MYO5C: variants seen among roughly 807,000 people sequenced by gnomAD.
MYO5C encodes unconventional myosin-Vc.
A neutral mutation model predicts 235.7 loss-of-function variants in MYO5C; 194 were observed. The observed-to-expected ratio is 0.82, with a 90% CI of 0.73 to 0.93. The LOEUF is 0.93. Ranked by LOEUF, MYO5C falls within the 40% of genes least tolerant of loss-of-function variation. The pLI is 0.00. For missense variants in MYO5C, 2,038 were observed against 2,127.2 expected (o/e 0.96, Z 0.82); for synonymous variants, 707 against 754.8 (o/e 0.94, Z 1.04).
intron 31 of MYO5C, among the ~76,000 whole-genome samples, chr15:52,218,949 C>T (rs1020877229): frequency 6.6e-6 from 1 of 152,230 alleles, no homozygotes; most frequent in Admixed American, 6.5e-5. Context: ...CTCAGCCCCA[C>T]TTACTGTTCC....
chr15:52,271,961 T>C (rs2036934880), intron 6 of MYO5C, 117 bp from the exon 7 acceptor site: 2 of 580,296 alleles, frequency 3.4e-6, no homozygotes, highest in East Asian at 3.0e-5. Flanking sequence ...CTGTCTGGGA[T>C]GTGATCTGGC....
chr15:52,194,298 T>A (rs1338242237), intron 40 of MYO5C, among the ~76,000 whole-genome samples: 1 of 152,240 alleles, frequency 6.6e-6, no homozygotes, highest in African/African-American at 2.4e-5. Flanking sequence ...TCCCATGGGA[T>A]GAGTTGACCA....
intron 13 of MYO5C, among the ~76,000 whole-genome samples, chr15:52,249,324 C>G (rs1426055857): frequency 2.0e-5 from 3 of 152,172 alleles, no homozygotes; most frequent in African/African-American, 7.2e-5. Flanking sequence ...CCATGCTGCC[C>G]TTTCTGATGA....
At chr15:52,214,090 A>G (rs1285596708) in intron 33 of MYO5C, among the ~76,000 whole-genome samples, 1 of 152,214 alleles carries the variant, frequency 6.6e-6, no homozygotes. Context: ...TGTGAGCAGG[A>G]GCTGAACACA....
At chr15:52,240,669 C>A (rs2036198931) in intron 20 of MYO5C, among the ~76,000 whole-genome samples, 1 of 151,980 alleles carries the variant, frequency 6.6e-6, no homozygotes, top group Non-Finnish European at 1.5e-5. Flanking sequence ...GAGGCTGAGG[C>A]TGCAGTGAGC....
Position 52,192,865 on chromosome 15 carries a change from A to T in MYO5C, c.*1037T>A, listed in dbSNP as rs2034961961. On this transcript the variant is annotated 3_prime_UTR_variant, in exon 41 of 41. Transcript: ENST00000261839. ...TATTGTATGAAAGGTATTAAAAAATAAAAAAATTATGGTGAATATGTTGGC... is the reference window on the plus strand; with the variant it reads ...TATTGTATGAAAGGTATTAAAAAATTAAAAAATTATGGTGAATATGTTGGC... 1 of 42,514 alleles carries T rather than the reference A, an allele frequency of 2.4e-5. No individual in the cohort carries two copies. The highest frequency in any genetic ancestry group is 4.6e-5 in the African/African-American group (1 of 21,592). 2.6% of individuals were successfully genotyped at this position (42,514 alleles called of 1,614,324 possible).
Position 52,295,597 on chromosome 15 carries a change from C to T in MYO5C, c.27+13G>A. 6.7e-7 allele frequency: 1 copy of T among 1,499,216 alleles called. No homozygotes were observed. The highest frequency in any genetic ancestry group is 3.0e-5 in the East Asian group (1 of 33,858). The allele number at this position is 1,499,216 out of a possible 1,614,324, so 92.9% of individuals were successfully genotyped here. ...CCCCACAGCGCTCCCAGGAGCCCAG[C>T]GGACCCTCCTACCTGCGTGTACAGC... On this transcript the variant is annotated intron_variant, in intron 1 of 40. Transcript: ENST00000261839.
At chr15:52,295,523 C>T in intron 1 of MYO5C, 87 bp downstream of exon 1, 1 of 1,437,944 alleles carries the variant, frequency 7.0e-7, no homozygotes, top group Non-Finnish European at 9.2e-7. Flanking sequence ...GCAGGTGTGG[C>T]AGGTGTGGCC....
rs373912789 is a variant in MYO5C, at chr15:52,205,361, C to T, written c.4538-214G>A. 125 of 577,448 alleles carry T rather than the reference C, an allele frequency of 2.2e-4. 2 individuals are homozygous for T. The East Asian group carries it at 2.8e-3, about 13-fold the overall frequency. The allele number at this position is 577,448 out of a possible 1,614,324, so 35.8% of individuals were successfully genotyped here. On this transcript the variant is annotated intron_variant, in intron 37 of 40. Coordinates refer to ENST00000261839, the MANE Select transcript of MYO5C (RefSeq NM_018728.4). ...GCTGTTTCCAGCGGGGCTGCAGCTC[C>T]TCTTGTAGGTTTGAAGCAGCACGTT...
At position 52,295,513 on chromosome 15, in the gene MYO5C, G is replaced by A; in HGVS notation, c.27+97C>T. The A allele has an allele frequency of 3.7e-6, 5 of 1,358,036 alleles. No individual in the cohort carries two copies. In the East Asian group the frequency reaches 9.3e-5, roughly 25 times the overall value. 84.1% of individuals were successfully genotyped at this position (1,358,036 alleles called of 1,614,324 possible). A position where few individuals can be genotyped will look rare whatever the true frequency, so the allele number is the denominator to read the frequency against. On this transcript the variant is annotated intron_variant, in intron 1 of 40. Coordinates refer to ENST00000261839, the MANE Select transcript of MYO5C (RefSeq NM_018728.4). Reference sequence around the variant, plus strand: ...CCGCCCGCCCTGCCGTGTCAGGTGCGCAGGTGTGGCAGGTGTGGCCCGGGC... The same window carrying A: ...CCGCCCGCCCTGCCGTGTCAGGTGCACAGGTGTGGCAGGTGTGGCCCGGGC...
intron 28 of MYO5C, among the ~76,000 whole-genome samples, chr15:52,224,322 C>T (rs1288540409): frequency 6.6e-6 from 1 of 152,170 alleles, no homozygotes. Flanking sequence ...TATGATACTA[C>T]AGTTGTGGAT....
In MYO5C at chr15:52,261,094, G is replaced by A. The variant is rs376316334; in HGVS notation, c.1081C>T (p.Leu361Phe). ...ACTCTGCCACTCTCCAGGCCCAGGA[G>A]CTCACAGAACACCTTCAGGTGACTG... ...DDSHLKVFCE[L>F]LGLESGRVAQ... Residue 361 changes from leucine to phenylalanine, a missense_variant, in exon 10 of 41, where the codon CTC (leucine) becomes TTC (phenylalanine). Leu to Phe is a conservative substitution (Grantham distance 22, BLOSUM62 0). Coordinates refer to ENST00000261839, the MANE Select transcript of MYO5C (RefSeq NM_018728.4). 2.2e-5 allele frequency: 35 copies of A among 1,614,202 alleles called. No individual in the cohort carries two copies. The African/African-American group carries it at 2.4e-4, about 11-fold the overall frequency.
intron 1 of MYO5C, among the ~76,000 whole-genome samples, chr15:52,290,141 A>G (rs1002075612): frequency 6.6e-6 from 1 of 151,916 alleles, no homozygotes; most frequent in Non-Finnish European, 1.5e-5. Flanking sequence ...CTGGCATTTG[A>G]ACTTTAAGAG....
intron 5 of MYO5C, among the ~76,000 whole-genome samples, chr15:52,274,241 A>G (rs994249839): frequency 7.9e-5 from 12 of 152,180 alleles, no homozygotes; most frequent in African/African-American, 2.4e-4. Context: ...AAATATTTAC[A>G]CAAAATTATC....
chr15:52,198,802 G>A (rs1031597885), intron 38 of MYO5C, among the ~76,000 whole-genome samples: 25 of 152,048 alleles, frequency 1.6e-4, no homozygotes, highest in Non-Finnish European at 2.9e-4. Context: ...GGCTGGTCTC[G>A]AACTCCTGAC....
At chr15:52,285,804 G>A (rs1212766600) in intron 1 of MYO5C, among the ~76,000 whole-genome samples, 1 of 152,182 alleles carries the variant, frequency 6.6e-6, no homozygotes, top group African/African-American at 2.4e-5. Context: ...GCAGTGGCGT[G>A]ATCTCGGCTC....
At chr15:52,213,092 G>A (rs2035481769) in intron 34 of MYO5C, 96 bp downstream of exon 34, 1 of 856,492 alleles carries the variant, frequency 1.2e-6, no homozygotes, top group Non-Finnish European at 1.9e-6. Context: ...GGAAGAAAAA[G>A]TAGAAAAAGG....
chr15:52,267,586 T>C (rs1224040201), intron 8 of MYO5C, among the ~76,000 whole-genome samples: 1 of 152,090 alleles, frequency 6.6e-6, no homozygotes, highest in Non-Finnish European at 1.5e-5. Flanking sequence ...CTCGGGAGGC[T>C]GAGGCAGGAG....
At chr15:52,275,395 C>T (rs2037020093) in intron 5 of MYO5C, among the ~76,000 whole-genome samples, 167 bp downstream of exon 5, 1 of 152,150 alleles carries the variant, frequency 6.6e-6, no homozygotes, top group African/African-American at 2.4e-5. Context: ...ACAATTCTGC[C>T]CCCATCTCCT....
Sources: allele counts gnomAD v4.1 joint callset (sites outside exome capture counted in the v4.1 genomes callset), GRCh38; gene constraint gnomAD v4.1.1; transcripts MANE v1.5; gene names NCBI Gene and HGNC (gene_info 2026-07-23, HGNC 2026-07-21).